The following TMEM165 variants were observed in gnomAD, a reference collection of about 807,000 sequenced individuals.
TMEM165 encodes the protein transmembrane protein 165.
Under a neutral mutation model 30.0 loss-of-function variants are expected in TMEM165, and 19 were observed. The ratio of observed to expected loss-of-function variants is 0.63; its 90% confidence interval spans 0.44 to 0.93. The LOEUF is 0.93. Ranked by LOEUF, TMEM165 falls within the 40% of genes least tolerant of loss-of-function variation. TMEM165 has a pLI of 0.00. For missense variants in TMEM165, 340 were observed against 417.0 expected, an observed-to-expected ratio of 0.82 and a Z score of 1.61; for synonymous variants, 168 against 162.9, an observed-to-expected ratio of 1.03 and a Z score of -0.24.
rs1438256763 is a variant in TMEM165, at chr4:55,396,410, G to A, written c.207+14G>A. 5.5e-6 allele frequency: 8 copies of A among 1,450,170 alleles called. No individual in the cohort carries two copies. The highest frequency in any genetic ancestry group is 7.2e-6 in the Non-Finnish European group (8 of 1,110,280). The allele number at this position is 1,450,170 out of a possible 1,614,324, so 89.8% of individuals were successfully genotyped here. A position where few individuals can be genotyped will look rare whatever the true frequency, so the allele number is the denominator to read the frequency against. On this transcript the variant is annotated intron_variant, in intron 1 of 5. Transcript: ENST00000381334. ...GCCCGGGTCGAGGTGAGCGGGCCGG[G>A]ATGGGGCGAGCGAGGCTGCAGGGCC...
At chr4:55,448,556 C>A (rs182692635) in intron 3 of TMEM165, among the ~76,000 whole-genome samples, 3 of 151,694 alleles carry the variant, frequency 2.0e-5, no homozygotes, top group African/African-American at 7.3e-5. Flanking sequence ...TTAAGATTCA[C>A]TGCATCTGTA....
chr4:55,399,401 G>A (rs189510959), intron 1 of TMEM165: 6 of 152,288 alleles, frequency 3.9e-5, no homozygotes, highest in Admixed American at 3.3e-4. Context: ...TAATTGAACT[G>A]AAACGCTGAT....
chr4:55,431,402 T>C (rs892167947), intron 3 of TMEM165: 1 of 152,222 alleles, frequency 6.6e-6, no homozygotes. Context: ...GTCGATTCTA[T>C]TCCTTTGCAA....
At chr4:55,407,529 C>G (rs113225351) in intron 1 of TMEM165, among the ~76,000 whole-genome samples, 3 of 151,828 alleles carry the variant, frequency 2.0e-5, no homozygotes, top group African/African-American at 7.2e-5. Context: ...AAATTTTTAC[C>G]TGGTTTTACT....
In TMEM165 at chr4:55,424,773, T is replaced by TAGTA. The variant is rs140080934; in HGVS notation, c.898+132_898+133insTAAG. 3.3e-5 allele frequency: 22 copies of TAGTA among 658,008 alleles called. 1 individual carries two copies. The Admixed American group carries it at 3.5e-4, about 10-fold the overall frequency. 40.8% of individuals were successfully genotyped at this position (658,008 alleles called of 1,614,324 possible). On this transcript the variant is annotated intron_variant, in intron 5 of 5. Transcript: ENST00000381334. ...TTTTCTAATTACCTACCATCTCTTATAGAGGTATTAATCCTGGTATTGCAA... is the reference window on the plus strand; with the variant it reads ...TTTTCTAATTACCTACCATCTCTTATAGTAAGAGGTATTAATCCTGGTATTGCAA...
chr4:55,436,458 G>A (rs1722882819), intron 3 of TMEM165, among the ~76,000 whole-genome samples: 1 of 152,050 alleles, frequency 6.6e-6, no homozygotes, highest in Admixed American at 6.5e-5. Context: ...AAAACTCTCA[G>A]ATACAAAAAA....
chr4:55,447,242 C>T (rs1723935396), intron 3 of TMEM165, among the ~76,000 whole-genome samples: 3 of 152,124 alleles, frequency 2.0e-5, no homozygotes, highest in South Asian at 2.1e-4. Context: ...TGGCATGTGC[C>T]TGTAGTCCCA....
At chr4:55,422,092 C>T (rs1343257900) in intron 4 of TMEM165, among the ~76,000 whole-genome samples, 4 of 152,196 alleles carry the variant, frequency 2.6e-5, no homozygotes, top group African/African-American at 9.7e-5. Flanking sequence ...TTTGAGCTCC[C>T]TGTGGCCTTG....
chr4:55,447,640 T>A (rs960538223), intron 3 of TMEM165, among the ~76,000 whole-genome samples: 2 of 152,182 alleles, frequency 1.3e-5, no homozygotes, highest in African/African-American at 4.8e-5. Flanking sequence ...CTTTATTTCA[T>A]GAAAATATCC....
chr4:55,410,069 C>T (rs1296448439), intron 1 of TMEM165, among the ~76,000 whole-genome samples: 1 of 152,122 alleles, frequency 6.6e-6, no homozygotes, highest in East Asian at 1.9e-4. Flanking sequence ...CTTTCCTTCC[C>T]TCCCTCCTCC....
rs1724268599 is a variant in TMEM165, at chr4:55,449,907, GAAGAACTTA to G, written c.409-2330_409-2322del. Among the ~76,000 whole-genome samples the G allele has an allele frequency of 3.3e-5, 5 of 152,248 alleles. No homozygotes were observed. The South Asian group carries it at 1.0e-3, about 32-fold the overall frequency. On this transcript the variant is annotated intron_variant, in intron 3 of 3. Transcript: ENST00000608091. ...ACCTACACATTTTAATAGGCTACTT[GAAGAACTTA>G]ATTCTTTGCTGAAAGTGGGCAATGT... is the stretch of plus-strand genomic sequence containing the variant.
chr4:55,424,885 T>C (rs1722128001), intron 5 of TMEM165: 1 of 472,478 alleles, frequency 2.1e-6, no homozygotes, highest in African/African-American at 2.0e-5. Flanking sequence ...TAACATATTA[T>C]CTTAGTAAAA....
At chr4:55,405,173 T>A (rs1359564241) in intron 1 of TMEM165, among the ~76,000 whole-genome samples, 2 of 152,198 alleles carry the variant, frequency 1.3e-5, no homozygotes, top group Non-Finnish European at 1.5e-5. Flanking sequence ...GCTGATAAAT[T>A]TGGGCTGCCA....
chr4:55,442,391 G>A (rs759301729), intron 3 of TMEM165: 24 of 1,536,818 alleles, frequency 1.6e-5, no homozygotes, highest in Non-Finnish European at 2.2e-5. Flanking sequence ...TAATCAATCG[G>A]TTTACAATTT....
intron 3 of TMEM165, chr4:55,450,151 G>A (rs769517213): frequency 6.2e-7 from 1 of 1,614,038 alleles, no homozygotes; most frequent in South Asian, 1.1e-5. Context: ...GAGGCAGAAG[G>A]GGTTGGGCTG....
intron 1 of TMEM165, chr4:55,397,183 C>G (rs924889134): frequency 2.0e-5 from 3 of 152,236 alleles, no homozygotes; most frequent in African/African-American, 7.2e-5. Context: ...GCACTCAAAC[C>G]CCCACTCCCA....
chr4:55,435,711 A>T (rs978570626), intron 3 of TMEM165: 14 of 1,020,316 alleles, frequency 1.4e-5, no homozygotes, highest in Non-Finnish European at 2.0e-5. Context: ...TACATAATGC[A>T]TATCACTTTC....
intron 1 of TMEM165, among the ~76,000 whole-genome samples, chr4:55,404,980 C>T (rs1578231835): frequency 1.3e-5 from 2 of 149,458 alleles, no homozygotes; most frequent in African/African-American, 5.1e-5. Context: ...TAGTAGCGCA[C>T]CCCAACCTGA....
chr4:55,446,254 C>T (rs1295213832), intron 3 of TMEM165, among the ~76,000 whole-genome samples: 2 of 151,930 alleles, frequency 1.3e-5, no homozygotes, highest in Non-Finnish European at 2.9e-5. Context: ...CCACCATGCC[C>T]GGCTAATGTT....
Sources: allele counts gnomAD v4.1 joint callset (sites outside exome capture counted in the v4.1 genomes callset), GRCh38; gene constraint gnomAD v4.1.1; transcripts MANE v1.5; gene names NCBI Gene and HGNC (gene_info 2026-07-23, HGNC 2026-07-21).